The following ARK2N variants were observed in gnomAD, a reference collection of about 807,000 sequenced individuals.
ARK2N encodes protein ARK2N.
At chr18:46,199,642 G>A in the ARK2N span, among the ~76,000 whole-genome samples, 2 of 152,044 alleles carry the variant, frequency 1.3e-5, no homozygotes, top group Non-Finnish European at 2.9e-5. Context: ...GCACAAGAGA[G>A]ATTACTGTAG....
chr18:46,249,344 C>T, the ARK2N span, among the ~76,000 whole-genome samples: 3 of 152,152 alleles, frequency 2.0e-5, no homozygotes, highest in Non-Finnish European at 4.4e-5. Context: ...ATTCTCCTGC[C>T]TCAGCCTCCT....
At chr18:46,218,431 T>C in the ARK2N span, 1 of 152,188 alleles carries the variant, frequency 6.6e-6, no homozygotes, top group Non-Finnish European at 1.5e-5. Context: ...TCCTGGAGAA[T>C]CAAATGGTAG....
the ARK2N span, among the ~76,000 whole-genome samples, chr18:46,194,929 T>A: frequency 6.6e-6 from 1 of 151,470 alleles, no homozygotes; most frequent in African/African-American, 2.4e-5. Context: ...GCCACCAGAG[T>A]ACCTGGGACT....
At chr18:46,226,628 C>T in the ARK2N span, among the ~76,000 whole-genome samples, 527 of 152,192 alleles carry the variant, frequency 3.5e-3, 4 homozygotes, top group African/African-American at 0.012. Flanking sequence ...GAAGGTCTTG[C>T]AACATGATAG....
the ARK2N span, among the ~76,000 whole-genome samples, chr18:46,194,805 A>ATTT: frequency 2.4e-5 from 3 of 126,702 alleles, no homozygotes; most frequent in Non-Finnish European, 5.0e-5. Context: ...AATTTAATTA[A>ATTT]TTTTTTTTTT....
chr18:46,228,931 T>G, the ARK2N span: 2 of 396,808 alleles, frequency 5.0e-6, no homozygotes, highest in Non-Finnish European at 8.9e-6. Flanking sequence ...GAAAAGGTGT[T>G]GAACACTAAT....
At chr18:46,189,687 A>T in the ARK2N span, among the ~76,000 whole-genome samples, 1 of 152,128 alleles carries the variant, frequency 6.6e-6, no homozygotes, top group Admixed American at 6.6e-5. Context: ...TCTGGGCAAC[A>T]TAGTGAAATC....
chr18:46,215,687 T>TA, the ARK2N span: 1 of 455,582 alleles, frequency 2.2e-6, no homozygotes, highest in African/African-American at 1.9e-5. Context: ...CAGATAATAA[T>TA]ATATATATAT....
chr18:46,211,608 T>A, the ARK2N span, among the ~76,000 whole-genome samples: 6 of 152,082 alleles, frequency 3.9e-5, no homozygotes, highest in African/African-American at 1.4e-4. Flanking sequence ...CAAAAATGAA[T>A]GAATGGTCCA....
At chr18:46,190,536 C>T in the ARK2N span, among the ~76,000 whole-genome samples, 2 of 151,610 alleles carry the variant, frequency 1.3e-5, no homozygotes, top group Non-Finnish European at 2.9e-5. Context: ...AAAAAACCTG[C>T]AAATATGTGG....
chr18:46,227,903 C>T, the ARK2N span, among the ~76,000 whole-genome samples: 3 of 151,812 alleles, frequency 2.0e-5, no homozygotes, highest in African/African-American at 7.3e-5. Context: ...TGGCCGATCT[C>T]TTTTTTTTGT....
chr18:46,198,264 G>A, the ARK2N span, among the ~76,000 whole-genome samples: 3 of 126,672 alleles, frequency 2.4e-5, no homozygotes, highest in African/African-American at 6.1e-5. Flanking sequence ...AGCCGAGATC[G>A]CCCCCACTGC....
chr18:46,259,855 C>CG, the ARK2N span, among the ~76,000 whole-genome samples: 1 of 141,282 alleles, frequency 7.1e-6, no homozygotes, highest in East Asian at 2.1e-4. Context: ...AGGCTGGTGT[C>CG]GAACTTGTGA....
At chr18:46,207,331 A>T in the ARK2N span, among the ~76,000 whole-genome samples, 1 of 150,106 alleles carries the variant, frequency 6.7e-6, no homozygotes, top group East Asian at 1.9e-4. Context: ...ACTGATTTTG[A>T]TTGTTGTAAC....
chr18:46,237,705 A>G, the ARK2N span, among the ~76,000 whole-genome samples: 12 of 152,130 alleles, frequency 7.9e-5, no homozygotes, highest in Non-Finnish European at 1.5e-4. Flanking sequence ...CTTTAAACAA[A>G]TCTTACTTAA....
the ARK2N span, among the ~76,000 whole-genome samples, chr18:46,179,288 A>G: frequency 6.6e-6 from 1 of 151,878 alleles, no homozygotes; most frequent in African/African-American, 2.4e-5. Flanking sequence ...AGTTTGGTTT[A>G]TTTATTTTGA....
the ARK2N span, among the ~76,000 whole-genome samples, chr18:46,231,359 C>T: frequency 1.3e-5 from 2 of 152,070 alleles, no homozygotes; most frequent in African/African-American, 4.8e-5. Context: ...AACTGAATTT[C>T]ATTAATATTA....
chr18:46,211,806 A>G, the ARK2N span, among the ~76,000 whole-genome samples: 1 of 152,212 alleles, frequency 6.6e-6, no homozygotes. Flanking sequence ...CACTGAATAT[A>G]AATTTACTGT....
chr18:46,259,885 CTG>C, the ARK2N span, among the ~76,000 whole-genome samples: 1 of 81,594 alleles, frequency 1.2e-5, no homozygotes, highest in Admixed American at 1.3e-4. Context: ...ATCCTCCCGT[CTG>C]TGTGTGTGTG....
Sources: allele counts gnomAD v4.1 joint callset (sites outside exome capture counted in the v4.1 genomes callset), GRCh38; gene constraint gnomAD v4.1.1; transcripts MANE v1.5; gene names NCBI Gene and HGNC (gene_info 2026-07-23, HGNC 2026-07-21).